NRG3: variants seen among roughly 807,000 people sequenced by gnomAD.
The protein encoded by NRG3 is pro-neuregulin-3, membrane-bound isoform.
In NRG3, 31 loss-of-function variants were observed where a neutral mutation model predicts 66.9. That is an observed-to-expected ratio of 0.46 (90% CI 0.35 to 0.63). The LOEUF is 0.63. Ranked by LOEUF, NRG3 falls within the 20% of genes least tolerant of loss-of-function variation. The pLI, the probability that NRG3 is intolerant of heterozygous loss-of-function variation, is 0.00. For missense variants in NRG3, 910 were observed against 878.9 expected (o/e 1.04, Z -0.45); for synonymous variants, 393 against 359.4 (o/e 1.09, Z -1.06).
At chr10:82,600,117 G>C in intron 2 of NRG3, among the ~76,000 whole-genome samples, 1 of 152,012 alleles carries the variant, frequency 6.6e-6, no homozygotes, top group East Asian at 1.9e-4. Context: ...TTTTTGACTT[G>C]TGGATGGCAT....
intron 1 of NRG3, among the ~76,000 whole-genome samples, chr10:82,244,124 C>A (rs1321630291): frequency 6.6e-6 from 1 of 152,162 alleles, no homozygotes; most frequent in Non-Finnish European, 1.5e-5. Flanking sequence ...ACCTAAAAGT[C>A]TAGAAAGACA....
At chr10:82,017,938 GT>G (rs1265620154) in intron 1 of NRG3, among the ~76,000 whole-genome samples, 2 of 152,118 alleles carry the variant, frequency 1.3e-5, no homozygotes, top group Non-Finnish European at 2.9e-5. Flanking sequence ...AAGCTCTTTA[GT>G]TTAATTAGAT....
chr10:82,010,585 T>A (rs572696140), intron 1 of NRG3, among the ~76,000 whole-genome samples: 6 of 152,308 alleles, frequency 3.9e-5, no homozygotes, highest in Admixed American at 2.6e-4. Flanking sequence ...GATCATCTAC[T>A]GCCTAAAAAG....
At chr10:82,359,487 G>A (rs1476587877) in intron 2 of NRG3, among the ~76,000 whole-genome samples, 1 of 152,202 alleles carries the variant, frequency 6.6e-6, no homozygotes, top group Admixed American at 6.5e-5. Context: ...TAGAGATCAG[G>A]AAGGTGTTTA....
Position 82,083,477 on chromosome 10 carries a change from C to T in NRG3, c.823+207314C>T, listed in dbSNP as rs140358874. On this transcript the variant is annotated intron_variant, in intron 1 of 8. Transcript: ENST00000372141. ...ACAGATTAGCCTTTCCTCCTGTGAA[C>T]TGAAGGCTTCCATTTGTCTAGGTAC... is the stretch of plus-strand genomic sequence containing the variant. Among the ~76,000 whole-genome samples, 164 of 152,162 alleles carry T rather than the reference C, an allele frequency of 1.1e-3. 1 individual carries two copies. Among genetic ancestry groups the T allele is most frequent in the African/African-American group, 3.8e-3 (156 of 41,558 alleles).
chr10:82,743,288 C>T (rs1315345095), intron 3 of NRG3, among the ~76,000 whole-genome samples: 1 of 152,020 alleles, frequency 6.6e-6, no homozygotes, highest in Non-Finnish European at 1.5e-5. Flanking sequence ...GTGCTGACTT[C>T]GATTCGCACT....
At chr10:82,474,488 G>A (rs1412394801) in intron 2 of NRG3, among the ~76,000 whole-genome samples, 14 of 152,100 alleles carry the variant, frequency 9.2e-5, no homozygotes, top group African/African-American at 2.4e-5. Flanking sequence ...TTCACTAGAA[G>A]GGTTCAACAG....
chr10:82,177,720 TGC>T (rs1229062338), intron 1 of NRG3, among the ~76,000 whole-genome samples: 1 of 152,304 alleles, frequency 6.6e-6, no homozygotes, highest in Non-Finnish European at 1.5e-5. Context: ...ACCACAGGCG[TGC>T]GCCACCACAT....
intron 3 of NRG3, 73 bp from the exon 4 acceptor site, chr10:82,865,338 T>A: frequency 6.6e-7 from 1 of 1,512,496 alleles, no homozygotes; most frequent in East Asian, 2.3e-5. Flanking sequence ...AGCACTGATT[T>A]CCATGTATAG....
chr10:82,410,062 G>A (rs1478672008), intron 2 of NRG3, among the ~76,000 whole-genome samples: 2 of 152,010 alleles, frequency 1.3e-5, no homozygotes, highest in African/African-American at 4.8e-5. Context: ...CCTTCATACC[G>A]TATTGTTGAA....
chr10:82,030,849 G>C (rs1337612255), intron 1 of NRG3, among the ~76,000 whole-genome samples: 1 of 152,078 alleles, frequency 6.6e-6, no homozygotes, highest in East Asian at 1.9e-4. Context: ...AGAGTAATGA[G>C]CTCAATTCAC....
At chr10:82,782,903 C>A (rs1321156419) in intron 3 of NRG3, among the ~76,000 whole-genome samples, 2 of 151,890 alleles carry the variant, frequency 1.3e-5, no homozygotes. Context: ...GAGACAAAAC[C>A]AAAAAAGAGA....
intron 2 of NRG3, among the ~76,000 whole-genome samples, chr10:82,466,492 A>T (rs1465370763): frequency 6.6e-6 from 1 of 152,050 alleles, no homozygotes; most frequent in African/African-American, 2.4e-5. Context: ...AATGAAACAG[A>T]ATTATTGGAC....
At chr10:82,074,533 A>G (rs1016133231) in intron 1 of NRG3, among the ~76,000 whole-genome samples, 2 of 152,242 alleles carry the variant, frequency 1.3e-5, no homozygotes, top group African/African-American at 2.4e-5. Context: ...AGAGGCTACC[A>G]TAGCAGGCTA....
intron 1 of NRG3, among the ~76,000 whole-genome samples, chr10:82,071,032 C>A (rs939480795): frequency 6.6e-6 from 1 of 152,068 alleles, no homozygotes; most frequent in Non-Finnish European, 1.5e-5. Flanking sequence ...TAATGTCCAC[C>A]AATAGAGGAT....
At chr10:82,301,249 A>G (rs1564768402) in intron 1 of NRG3, among the ~76,000 whole-genome samples, 1 of 152,150 alleles carries the variant, frequency 6.6e-6, no homozygotes, top group Admixed American at 6.5e-5. Context: ...TATAATTTCC[A>G]TTTTGATTTC....
At chr10:82,982,561 G>T (rs141301911) in intron 8 of NRG3, among the ~76,000 whole-genome samples, 8 of 152,138 alleles carry the variant, frequency 5.3e-5, no homozygotes, top group Admixed American at 3.3e-4. Context: ...CATCATGTCT[G>T]GGGGGAAGTG....
chr10:82,148,075 G>T (rs78857615), intron 1 of NRG3, among the ~76,000 whole-genome samples: 2 of 152,094 alleles, frequency 1.3e-5, no homozygotes, highest in Non-Finnish European at 2.9e-5. Context: ...ATGGCTAACC[G>T]TTCTAAGACA....
At chr10:82,399,717 G>T in intron 2 of NRG3, among the ~76,000 whole-genome samples, 1 of 152,138 alleles carries the variant, frequency 6.6e-6, no homozygotes, top group East Asian at 1.9e-4. Flanking sequence ...CTAATTGGGG[G>T]TTAGAGTTTC....
Sources: allele counts gnomAD v4.1 joint callset (sites outside exome capture counted in the v4.1 genomes callset), GRCh38; gene constraint gnomAD v4.1.1; transcripts MANE v1.5; gene names NCBI Gene and HGNC (gene_info 2026-07-23, HGNC 2026-07-21).